The following NEDD4L variants were observed in gnomAD, a reference collection of about 807,000 sequenced individuals.
The protein encoded by NEDD4L is E3 ubiquitin-protein ligase NEDD4-like.
A neutral mutation model predicts 148.9 loss-of-function variants in NEDD4L; 54 were observed. That is an observed-to-expected ratio of 0.36 (90% CI 0.29 to 0.45). The LOEUF is 0.45. Among genes scored for constraint, NEDD4L ranks in the 20% least tolerant of loss-of-function variants. The pLI is 1.00. For missense variants in NEDD4L, 856 were observed against 1,233.8 expected (o/e 0.69, Z 4.59); for synonymous variants, 433 against 440.7 (o/e 0.98, Z 0.22).
intron 20 of NEDD4L, among the ~76,000 whole-genome samples, chr18:58,365,303 T>C (rs1184594785): frequency 1.3e-5 from 2 of 152,222 alleles, no homozygotes; most frequent in South Asian, 2.1e-4. Context: ...ATGATGACTG[T>C]GGTCATCACC....
At position 58,183,944 on chromosome 18, in the gene NEDD4L, C is replaced by T. The variant is rs1026199524; in HGVS notation, c.122+18083C>T. On this transcript the variant is annotated intron_variant, in intron 2 of 30. Transcript: ENST00000400345. ...CAGCACTTTGGGAGGCCAAGGCGGG[C>T]GGATCATGAGGTCAGGAGATCAAGG... is the stretch of plus-strand genomic sequence containing the variant. Among the ~76,000 whole-genome samples the T allele has an allele frequency of 1.1e-4, 17 of 152,192 alleles. 2 individuals are homozygous for T. Among genetic ancestry groups the T allele is most frequent in the Admixed American group, 5.2e-4 (8 of 15,280 alleles).
At chr18:58,212,777 A>G (rs533956375) in intron 2 of NEDD4L, among the ~76,000 whole-genome samples, 1 of 50,854 alleles carries the variant, frequency 2.0e-5, no homozygotes, top group Non-Finnish European at 3.4e-5. Context: ...TAGCCTGAAT[A>G]TATATTTTTA....
chr18:58,181,965 A>G (rs1024020938), intron 2 of NEDD4L, among the ~76,000 whole-genome samples: 3 of 152,046 alleles, frequency 2.0e-5, no homozygotes, highest in Admixed American at 6.6e-5. Context: ...TCCCTTCCCT[A>G]TAGCTAACTT....
At chr18:58,195,694 C>T (rs548758662) in intron 2 of NEDD4L, 23 of 1,352,078 alleles carry the variant, frequency 1.7e-5, no homozygotes, top group East Asian at 1.4e-4. Context: ...CCTCTCTCTC[C>T]GCTCCCCACT....
chr18:58,315,590 A>G (rs1041579443), intron 5 of NEDD4L, among the ~76,000 whole-genome samples: 2 of 152,146 alleles, frequency 1.3e-5, no homozygotes, highest in Non-Finnish European at 2.9e-5. Context: ...GCTCTCAAGA[A>G]GCTCTTTAGT....
chr18:58,164,087 G>C (rs944074522), intron 1 of NEDD4L, among the ~76,000 whole-genome samples: 25 of 150,916 alleles, frequency 1.7e-4, no homozygotes, highest in African/African-American at 5.1e-4. Flanking sequence ...CAGGTGACTG[G>C]TGAGGAGAGT....
chr18:58,149,543 G>A (rs543286319), intron 1 of NEDD4L: 43 of 1,550,518 alleles, frequency 2.8e-5, no homozygotes, highest in African/African-American at 1.8e-4. Flanking sequence ...TAAATGAGAC[G>A]TCTCGCATTT....
intron 5 of NEDD4L, among the ~76,000 whole-genome samples, chr18:58,260,970 G>C (rs11665288): frequency 2.0e-5 from 3 of 152,200 alleles, no homozygotes; most frequent in Non-Finnish European, 4.4e-5. Flanking sequence ...AGGTTTAAAT[G>C]AAAGTGTCCA....
intron 2 of NEDD4L, among the ~76,000 whole-genome samples, chr18:58,169,264 G>A (rs1056424779): frequency 4.6e-5 from 7 of 152,212 alleles, no homozygotes; most frequent in Non-Finnish European, 1.0e-4. Context: ...TAACCGAGCC[G>A]CGACTCCACT....
At chr18:58,128,673 A>G (rs1227039929) in intron 1 of NEDD4L, among the ~76,000 whole-genome samples, 1 of 152,210 alleles carries the variant, frequency 6.6e-6, no homozygotes, top group Non-Finnish European at 1.5e-5. Context: ...GTAGGCAGCT[A>G]TGGCTGGATG....
intron 1 of NEDD4L, among the ~76,000 whole-genome samples, chr18:58,123,620 C>T (rs541153081): frequency 4.6e-5 from 7 of 152,224 alleles, no homozygotes; most frequent in Admixed American, 6.5e-5. Context: ...CGGCTGTCAT[C>T]ACTCATTGTA....
chr18:58,193,976 T>A (rs987503901), intron 2 of NEDD4L: 4 of 152,360 alleles, frequency 2.6e-5, no homozygotes, highest in African/African-American at 9.6e-5. Flanking sequence ...TTGTTTTCCT[T>A]TTCTCCATGT....
rs1308412417 is a variant in NEDD4L, at chr18:58,310,491, G to C, written c.298-5491G>C. 2.0e-5 allele frequency among the ~76,000 whole-genome samples: 3 copies of C among 152,088 alleles called. No individual in the cohort carries two copies. The South Asian group carries it at 6.2e-4, about 32-fold the overall frequency. On this transcript the variant is annotated intron_variant, in intron 5 of 30. Coordinates refer to ENST00000400345, the MANE Select transcript of NEDD4L (RefSeq NM_001144967.3). ...TGTCATCACACTTTTTTCTTTATTT[G>C]AGTGCCACTTGGCTCTTATTTGATT...
intron 1 of NEDD4L, among the ~76,000 whole-genome samples, chr18:58,081,414 A>G (rs978994314): frequency 2.6e-5 from 4 of 151,906 alleles, no homozygotes; most frequent in East Asian, 1.9e-4. Flanking sequence ...ACGGGGTTTC[A>G]CCGTGTTAGC....
chr18:58,148,186 G>C (rs1000033390), intron 1 of NEDD4L, among the ~76,000 whole-genome samples: 2 of 147,868 alleles, frequency 1.4e-5, no homozygotes, highest in African/African-American at 5.0e-5. Flanking sequence ...TTCTTTTTGA[G>C]ATGGAGTCTT....
At chr18:58,123,755 C>T (rs757209766) in intron 1 of NEDD4L, among the ~76,000 whole-genome samples, 3 of 152,094 alleles carry the variant, frequency 2.0e-5, no homozygotes, top group Non-Finnish European at 4.4e-5. Flanking sequence ...CTGCTTGTCT[C>T]ATTGAGGAAA....
At chr18:58,297,346 C>A (rs1026812926) in intron 5 of NEDD4L, among the ~76,000 whole-genome samples, 1 of 152,158 alleles carries the variant, frequency 6.6e-6, no homozygotes, top group Non-Finnish European at 1.5e-5. Flanking sequence ...CTACAGGGAT[C>A]ATCTTACCCT....
intron 19 of NEDD4L, among the ~76,000 whole-genome samples, chr18:58,362,838 A>T (rs887465871): frequency 6.6e-6 from 1 of 152,216 alleles, no homozygotes; most frequent in Admixed American, 6.5e-5. Flanking sequence ...AGAAAACATG[A>T]TCTCTTTATT....
chr18:58,065,440 A>G (rs951404667), intron 1 of NEDD4L, among the ~76,000 whole-genome samples: 6 of 152,214 alleles, frequency 3.9e-5, no homozygotes, highest in African/African-American at 1.4e-4. Flanking sequence ...TGGTTGCATT[A>G]CTTTCCTGTC....
Sources: gnomAD v4.1 joint callset for allele counts (sites outside exome capture counted in the v4.1 genomes callset) on GRCh38, gnomAD v4.1.1 for gene constraint, MANE v1.5 for transcripts, NCBI Gene and HGNC (gene_info 2026-07-23, HGNC 2026-07-21) for gene names.